The following ART3 variants were observed in gnomAD, a reference collection of about 807,000 sequenced individuals.
ART3 encodes the protein ADP-ribosyltransferase 3 (inactive).
In ART3, 49 loss-of-function variants were observed where a neutral mutation model predicts 48.5. The ratio of observed to expected loss-of-function variants is 1.01; its 90% CI spans 0.80 to 1.28. The LOEUF (loss-of-function observed/expected upper bound fraction) is 1.28, where lower values mean the gene tolerates loss of function less well. ART3 is among the 50% of genes most tolerant of loss of function. The pLI is 0.00. For synonymous variants in ART3, 145 were observed against 157.2 expected, an observed-to-expected ratio of 0.92 and a Z score of 0.58; for missense variants, 438 against 454.3, an observed-to-expected ratio of 0.96 and a Z score of 0.33.
At chr4:76,070,236 A>C (rs1189171382), upstream of ART3, among the ~76,000 whole-genome samples, 1 of 152,154 alleles carries the variant, frequency 6.6e-6, no homozygotes, top group Non-Finnish European at 1.5e-5. Context: ...CATATGGTAA[A>C]TATATAAGTT....
At chr4:76,049,203 A>G (rs569690937) in intron 1 of ART3, among the ~76,000 whole-genome samples, 5 of 152,132 alleles carry the variant, frequency 3.3e-5, no homozygotes, top group Non-Finnish European at 7.4e-5. Flanking sequence ...ACTATAAATC[A>G]TTCTTATAGG....
intron 1 of ART3, among the ~76,000 whole-genome samples, chr4:76,065,696 G>A (rs1231029730): frequency 6.6e-6 from 1 of 151,274 alleles, no homozygotes; most frequent in Non-Finnish European, 1.5e-5. Context: ...CTACCAATAG[G>A]ATTTGTCCAC....
At chr4:76,104,385 T>G (rs578165136) in intron 9 of ART3, 1 of 985,418 alleles carries the variant, frequency 1.0e-6, no homozygotes, top group Non-Finnish European at 1.2e-6. Flanking sequence ...ATAAACATGC[T>G]CAGTGAAGTG....
At chr4:76,105,522 G>C (rs948014302) in intron 10 of ART3, 1 of 1,288,604 alleles carries the variant, frequency 7.8e-7, no homozygotes, top group Non-Finnish European at 1.0e-6. Context: ...TCTTGTTTAG[G>C]AATAAAAATG....
At chr4:76,027,315 A>G (rs780770846) in intron 1 of ART3, among the ~76,000 whole-genome samples, 7 of 152,324 alleles carry the variant, frequency 4.6e-5, no homozygotes, top group Middle Eastern at 3.4e-3. Flanking sequence ...TATAGAAAAT[A>G]AATAATGTGG....
At chr4:76,077,899 A>C (rs928655774) in intron 2 of ART3, among the ~76,000 whole-genome samples, 2 of 152,208 alleles carry the variant, frequency 1.3e-5, no homozygotes, top group Admixed American at 1.3e-4. Flanking sequence ...ATCGTAGAGG[A>C]TATGAAGTGG....
At position 76,054,259 on chromosome 4, in the gene ART3, G is replaced by C. The variant is rs147600492; in HGVS notation, c.-9-21622G>C. ...TGACCCCTGCATGTGAATGTTAGAA[G>C]AGCTATGTCTGCAAGGTATGAAGCT... On this transcript the variant is annotated intron_variant, in intron 1 of 9. Coordinates refer to the ART3 transcript ENST00000341029. Among the ~76,000 whole-genome samples the C allele has an allele frequency of 4.4e-4, 67 of 152,272 alleles. 1 individual carries two copies. The highest frequency in any genetic ancestry group is 1.5e-3 in the African/African-American group (63 of 41,550).
At chr4:76,100,629 CAAAA>C (rs71659303) in intron 6 of ART3, among the ~76,000 whole-genome samples, 162 bp from the exon 7 acceptor site, 1 of 88,028 alleles carries the variant, frequency 1.1e-5, no homozygotes, top group Non-Finnish European at 2.4e-5. Flanking sequence ...GGCTCCGTCT[CAAAA>C]AAAAAAAAAA....
rs143190234 is a variant in ART3 at position 76,017,417 on chromosome 4, C to T, written c.-10+6097C>T. ...GGGCCTCATGACTCTCTGCCCAGCA[C>T]TCTATCCTACTGTGGCTGAACTCGT... On this transcript the variant is annotated intron_variant, in intron 1 of 9. Transcript: ENST00000341029. 2.2e-4 allele frequency among the ~76,000 whole-genome samples: 34 copies of T among 152,072 alleles called. No homozygotes were observed. The East Asian group carries it at 6.4e-3, about 29-fold the overall frequency.
chr4:76,062,559 CTTTTTTT>C (rs34383642), intron 1 of ART3, among the ~76,000 whole-genome samples: 1 of 113,096 alleles, frequency 8.8e-6, no homozygotes, highest in South Asian at 2.9e-4. Flanking sequence ...AAAAATAAAT[CTTTTTTT>C]TTTTTTTTTT....
chr4:76,093,271 A>T (rs1360419783), intron 3 of ART3, among the ~76,000 whole-genome samples: 2 of 152,120 alleles, frequency 1.3e-5, no homozygotes, highest in African/African-American at 4.8e-5. Flanking sequence ...AAAATAAAAT[A>T]AAAAAAGTAT....
intron 1 of ART3, among the ~76,000 whole-genome samples, chr4:76,050,981 G>A (rs540805848): frequency 2.0e-5 from 3 of 152,078 alleles, no homozygotes; most frequent in African/African-American, 7.2e-5. Context: ...ACGCCTACCC[G>A]GAACTCCAGC....
intron 1 of ART3, among the ~76,000 whole-genome samples, chr4:76,040,437 TACACACACACACAC>T (rs748020159): frequency 7.9e-5 from 7 of 88,494 alleles, no homozygotes; most frequent in South Asian, 3.9e-4. Flanking sequence ...ATACACTGGA[TACACACACACACAC>T]ACACACACAC....
At chr4:76,090,065 A>T (rs540952080) in intron 3 of ART3, among the ~76,000 whole-genome samples, 7 of 152,282 alleles carry the variant, frequency 4.6e-5, no homozygotes. Flanking sequence ...GGGTGACAAG[A>T]GTGAAACTCC....
chr4:76,073,433 A>G (rs1022256136), upstream of ART3, among the ~76,000 whole-genome samples: 5 of 152,212 alleles, frequency 3.3e-5, no homozygotes, highest in African/African-American at 1.2e-4. Flanking sequence ...TGTGCTGTGT[A>G]TTTAATCTTG....
chr4:76,097,930 G>C (rs1726380541), intron 4 of ART3, among the ~76,000 whole-genome samples: 1 of 152,102 alleles, frequency 6.6e-6, no homozygotes, highest in Non-Finnish European at 1.5e-5. Context: ...GCATTGGCCT[G>C]GGCATGAAGG....
At chr4:76,099,751 T>G (rs1468761717) in intron 5 of ART3, 2 of 152,980 alleles carry the variant, frequency 1.3e-5, no homozygotes. Flanking sequence ...CTGAAGGATA[T>G]ATGGCCCAAA....
intron 1 of ART3, among the ~76,000 whole-genome samples, chr4:76,050,717 G>A (rs1735983631): frequency 6.6e-6 from 1 of 152,192 alleles, no homozygotes; most frequent in Non-Finnish European, 1.5e-5. Flanking sequence ...GGTGGCACTT[G>A]TCGCGGAGGC....
chr4:76,043,234 A>AC (rs1161438250), intron 1 of ART3, among the ~76,000 whole-genome samples: 1 of 152,082 alleles, frequency 6.6e-6, no homozygotes, highest in East Asian at 1.9e-4. Context: ...GGCTTCACGC[A>AC]GTGGATCCCG....
Sources: gnomAD v4.1 joint callset for allele counts (sites outside exome capture counted in the v4.1 genomes callset) on GRCh38, gnomAD v4.1.1 for gene constraint, MANE v1.5 for transcripts, NCBI Gene and HGNC (gene_info 2026-07-23, HGNC 2026-07-21) for gene names.